VPS54: variants seen among roughly 807,000 people sequenced by gnomAD.
VPS54 encodes the protein VPS54 subunit of GARP complex.
In VPS54, 45 loss-of-function variants were observed where a neutral mutation model predicts 121.5. That is an observed-to-expected ratio of 0.37 (90% confidence interval 0.29 to 0.47). The LOEUF is 0.47. VPS54 is among the 20% of genes least tolerant of loss of function. The probability of loss-of-function intolerance (pLI) is 0.99; values close to 1 mark genes in which losing one functional copy is unlikely to be tolerated. For synonymous variants in VPS54, 371 were observed against 385.8 expected (o/e 0.96, Z 0.45); for missense variants, 1,090 against 1,131.4 (o/e 0.96, Z 0.52).
At chr2:63,981,179 CTA>C (rs1676784070) in intron 3 of VPS54, among the ~76,000 whole-genome samples, 1 of 152,104 alleles carries the variant, frequency 6.6e-6, no homozygotes, top group Non-Finnish European at 1.5e-5. Flanking sequence ...AAACTCTGCA[CTA>C]TACTCAGTTC....
At chr2:63,944,924 T>A (rs990134968) in intron 9 of VPS54, among the ~76,000 whole-genome samples, 2 of 152,150 alleles carry the variant, frequency 1.3e-5, no homozygotes, top group South Asian at 4.1e-4. Context: ...AGGGAACACT[T>A]ATACACTGCT....
At position 63,968,906 on chromosome 2, in the gene VPS54, A is replaced by AT; in HGVS notation, c.492+50dup. 6 of 1,528,048 alleles carry AT rather than the reference A, an allele frequency of 3.9e-6. No homozygotes were observed. In the South Asian group the frequency reaches 7.3e-5, roughly 18 times the overall value. 94.7% of individuals were successfully genotyped at this position (1,528,048 alleles called of 1,614,324 possible). ...AAATGAAATCTGCTTGTAAGGCAAA[A>AT]TTAAAGATCAAATATTATAAGGCAA... On this transcript the variant is annotated intron_variant, in intron 5 of 22. Coordinates refer to ENST00000272322, the MANE Select transcript of VPS54 (RefSeq NM_016516.3).
intron 3 of VPS54, chr2:63,975,626 C>G (rs1046787387): frequency 1.3e-5 from 2 of 152,356 alleles, no homozygotes; most frequent in Non-Finnish European, 2.9e-5. Flanking sequence ...GATGGCTTCT[C>G]CCTATGATAT....
At chr2:63,951,525 G>A (rs1429402954) in intron 7 of VPS54, among the ~76,000 whole-genome samples, 2 of 152,062 alleles carry the variant, frequency 1.3e-5, no homozygotes, top group African/African-American at 4.8e-5. Flanking sequence ...AGCAACAGGA[G>A]GTGGTTATGA....
chr2:63,963,234 G>A (rs1230662884), intron 6 of VPS54, among the ~76,000 whole-genome samples: 2 of 151,642 alleles, frequency 1.3e-5, no homozygotes, highest in Non-Finnish European at 2.9e-5. Flanking sequence ...TTAAAAGTTC[G>A]ACAAATACCT....
At chr2:63,923,324 A>G (rs1673737177) in intron 12 of VPS54, among the ~76,000 whole-genome samples, 1 of 152,186 alleles carries the variant, frequency 6.6e-6, no homozygotes, top group Non-Finnish European at 1.5e-5. Context: ...AAAAGAAAAA[A>G]AAATTATTTT....
chr2:64,013,642 C>T (rs1274768246), intron 1 of VPS54, among the ~76,000 whole-genome samples: 3 of 138,600 alleles, frequency 2.2e-5, no homozygotes, highest in South Asian at 2.2e-4. Flanking sequence ...AAATATATAT[C>T]AATATATAGA....
At chr2:63,938,386 G>A (rs1674564167) in intron 11 of VPS54, among the ~76,000 whole-genome samples, 1 of 152,110 alleles carries the variant, frequency 6.6e-6, no homozygotes, top group Admixed American at 6.6e-5. Context: ...CCCCTACATA[G>A]CCACAGGATG....
Position 63,962,379 on chromosome 2 carries a change from G to A in VPS54, c.689C>T (p.Ala230Val). 1 of 1,613,914 alleles carries A rather than the reference G, an allele frequency of 6.2e-7. No individual in the cohort carries two copies. Among genetic ancestry groups the A allele is most frequent in the Non-Finnish European group, 8.5e-7 (1 of 1,179,882 alleles). ...IAHQISLRSEAFFHAMTSQHE... is the reference protein window; with the variant it reads ...IAHQISLRSEVFFHAMTSQHE... Reference sequence around the variant, plus strand: ...TTGAGAGGTCATTGCATGAAAAAATGCTTCTGAACGTAGAGAGATCTGGTG... The same window carrying A: ...TTGAGAGGTCATTGCATGAAAAAATACTTCTGAACGTAGAGAGATCTGGTG... Residue 230 changes from alanine to valine, a missense_variant, in exon 7 of 23, where the codon GCA becomes GTA. Transcript: ENST00000272322.
chr2:63,991,568 A>T (rs1247904340), intron 1 of VPS54, among the ~76,000 whole-genome samples: 2 of 152,206 alleles, frequency 1.3e-5, no homozygotes, highest in African/African-American at 4.8e-5. Context: ...GCACTGTTAA[A>T]AACTTAAAAG....
At chr2:64,001,693 A>G (rs560936781) in intron 1 of VPS54, among the ~76,000 whole-genome samples, 167 of 151,978 alleles carry the variant, frequency 1.1e-3, no homozygotes, top group Non-Finnish European at 1.4e-3. Context: ...TGGGGGCCTG[A>G]CCAGTACCCT....
intron 4 of VPS54, among the ~76,000 whole-genome samples, chr2:63,970,312 T>TATATATAGATATATATAGATATATAA (rs1676225220): frequency 6.8e-6 from 1 of 147,676 alleles, no homozygotes; most frequent in Non-Finnish European, 1.5e-5. Flanking sequence ...TAGATATAGA[T>TATATATAGATATATATAGATATATAA]AAAACCCAGG....
chr2:63,907,370 T>C (rs185063464), intron 20 of VPS54, among the ~76,000 whole-genome samples: 1 of 151,794 alleles, frequency 6.6e-6, no homozygotes, highest in East Asian at 1.9e-4. Context: ...AATATAAAAT[T>C]AGCTGGGCGT....
At chr2:63,909,145 C>G (rs1039444149) in intron 20 of VPS54, among the ~76,000 whole-genome samples, 1 of 152,164 alleles carries the variant, frequency 6.6e-6, no homozygotes, top group African/African-American at 2.4e-5. Context: ...ACTAAATTAG[C>G]TCCTTATTTG....
At chr2:63,934,056 T>C in intron 11 of VPS54, 43 bp from the exon 12 acceptor site, 2 of 1,523,956 alleles carry the variant, frequency 1.3e-6, no homozygotes, top group Non-Finnish European at 1.8e-6. Context: ...GTAAAATGTC[T>C]CTTACCTGAA....
chr2:64,012,752 T>G (rs993712629), intron 1 of VPS54, among the ~76,000 whole-genome samples: 18 of 151,794 alleles, frequency 1.2e-4, no homozygotes, highest in African/African-American at 2.4e-5. Context: ...CCCTCCTCCC[T>G]GCCTCCTCCA....
intron 11 of VPS54, among the ~76,000 whole-genome samples, chr2:63,939,714 A>G (rs1674631222): frequency 6.6e-6 from 1 of 152,102 alleles, no homozygotes. Flanking sequence ...GGTTAAAAAA[A>G]ATTCTTTTTG....
At chr2:63,940,129 A>G (rs575909548) in intron 11 of VPS54, among the ~76,000 whole-genome samples, 4 of 152,282 alleles carry the variant, frequency 2.6e-5, no homozygotes, top group Admixed American at 6.5e-5. Context: ...TTGGCTGTAT[A>G]TAATATTCCA....
chr2:63,895,402 T>G (rs549799801), intron 22 of VPS54, among the ~76,000 whole-genome samples: 1 of 152,208 alleles, frequency 6.6e-6, no homozygotes, highest in East Asian at 1.9e-4. Context: ...TGCAGTGAGC[T>G]GAGATCACGC....
Sources: allele counts gnomAD v4.1 joint callset (sites outside exome capture counted in the v4.1 genomes callset), GRCh38; gene constraint gnomAD v4.1.1; transcripts MANE v1.5; gene names NCBI Gene and HGNC (gene_info 2026-07-23, HGNC 2026-07-21).